The following THSD4 variants were observed in gnomAD, a reference collection of about 807,000 sequenced individuals.
THSD4 encodes thrombospondin type 1 domain containing 4, also known as thrombospondin type-1 domain-containing protein 4.
A neutral mutation model predicts 119.0 loss-of-function variants in THSD4; 69 were observed. The ratio of observed to expected loss-of-function variants is 0.58; its 90% CI spans 0.48 to 0.71. The LOEUF is 0.71. THSD4 is among the 30% of genes least tolerant of loss of function. The pLI is 0.00. For synonymous variants in THSD4, 524 were observed against 540.4 expected, an observed-to-expected ratio of 0.97 and a Z score of 0.42; for missense variants, 1,393 against 1,391.1, an observed-to-expected ratio of 1.00 and a Z score of -0.02.
At chr15:71,578,077 C>G (rs1055186806) in intron 7 of THSD4, among the ~76,000 whole-genome samples, 1 of 151,620 alleles carries the variant, frequency 6.6e-6, no homozygotes, top group Non-Finnish European at 1.5e-5. Context: ...GTGAGCCCTT[C>G]TCACTGGATT....
intron 6 of THSD4, among the ~76,000 whole-genome samples, chr15:71,317,538 C>T (rs1399152182): frequency 6.6e-6 from 1 of 152,204 alleles, no homozygotes; most frequent in Non-Finnish European, 1.5e-5. Flanking sequence ...GGGAAAAACA[C>T]ACCCCCATGA....
Position 71,590,539 on chromosome 15 carries a change from C to G in THSD4, c.1153-69991C>G, listed in dbSNP as rs1259066499. ...CACATGGACACATGGTGGGGAACAA[C>G]TGGGGCCTGTCAGAACGGGTGGGTG... On this transcript the variant is annotated intron_variant, in intron 7 of 17. Transcript: ENST00000261862. Among the ~76,000 whole-genome samples the G allele has an allele frequency of 3.2e-4, 27 of 84,168 alleles. 2 individuals are homozygous for G. Among genetic ancestry groups the G allele is most frequent in the Non-Finnish European group, 9.3e-5 (4 of 42,826 alleles). 55.2% of individuals were successfully genotyped at this position (84,168 alleles called of 152,430 possible). A position where few individuals can be genotyped will look rare whatever the true frequency, so the allele number is the denominator to read the frequency against.
At chr15:71,288,935 G>C (rs28581948) in intron 6 of THSD4, among the ~76,000 whole-genome samples, 19,119 of 152,182 alleles carry the variant, frequency 0.13, 1,265 homozygotes, top group African/African-American at 0.17. Flanking sequence ...CAAATCCCCA[G>C]CTGGAAGAGG....
At chr15:71,596,200 C>A (rs530670425) in intron 7 of THSD4, among the ~76,000 whole-genome samples, 2 of 152,076 alleles carry the variant, frequency 1.3e-5, no homozygotes. Flanking sequence ...AATGTTGGGG[C>A]GACTTCTATT....
intron 7 of THSD4, among the ~76,000 whole-genome samples, chr15:71,550,515 C>A (rs1040597772): frequency 1.3e-5 from 2 of 152,194 alleles, no homozygotes; most frequent in Non-Finnish European, 2.9e-5. Flanking sequence ...CGGCTCACTG[C>A]AAGCTCCGCC....
chr15:71,199,859 TGTGGG>T, intron 3 of THSD4, among the ~76,000 whole-genome samples: 2 of 149,594 alleles, frequency 1.3e-5, no homozygotes, highest in Non-Finnish European at 3.0e-5. Flanking sequence ...GTGATGCATG[TGTGGG>T]GTGTGTGTGT....
chr15:71,404,211 A>G (rs932271872), intron 6 of THSD4, among the ~76,000 whole-genome samples: 2 of 152,174 alleles, frequency 1.3e-5, no homozygotes, highest in Non-Finnish European at 2.9e-5. Flanking sequence ...TTATCCTAAG[A>G]AGGAAGCTGA....
intron 1 of THSD4, among the ~76,000 whole-genome samples, chr15:71,102,146 T>C (rs919802213): frequency 1.3e-5 from 2 of 152,252 alleles, no homozygotes; most frequent in South Asian, 2.1e-4. Flanking sequence ...CTTTGATTGC[T>C]TTCAGGATAT....
At chr15:71,605,880 G>T (rs1357009247) in intron 7 of THSD4, among the ~76,000 whole-genome samples, 1 of 152,172 alleles carries the variant, frequency 6.6e-6, no homozygotes, top group African/African-American at 2.4e-5. Flanking sequence ...TCCGATGCTT[G>T]AAGTCTGAGA....
intron 7 of THSD4, among the ~76,000 whole-genome samples, chr15:71,431,489 A>G (rs528300232): frequency 2.6e-5 from 4 of 152,350 alleles, no homozygotes; most frequent in East Asian, 1.9e-4. Flanking sequence ...AACAAGACTT[A>G]AAATGGCCAT....
At chr15:71,578,966 C>T (rs1185550434) in intron 7 of THSD4, among the ~76,000 whole-genome samples, 2 of 151,324 alleles carry the variant, frequency 1.3e-5, no homozygotes, top group Non-Finnish European at 2.9e-5. Context: ...GCCTCAGCCT[C>T]CCGAGTAGCT....
chr15:71,341,074 CCTTTT>C (rs938939407), intron 6 of THSD4: 6 of 989,656 alleles, frequency 6.1e-6, no homozygotes, highest in Admixed American at 4.4e-5. Context: ...TGTTGCCTTG[CCTTTT>C]CTTTTCTATT....
chr15:71,707,939 A>G (rs12591953), intron 8 of THSD4, among the ~76,000 whole-genome samples: 70,224 of 152,102 alleles, frequency 0.46, 19,368 homozygotes, highest in Middle Eastern at 0.64. Flanking sequence ...GCAAGAGTAT[A>G]TTCTTGGAGC....
At chr15:71,348,916 TC>T (rs1654960497) in intron 6 of THSD4, among the ~76,000 whole-genome samples, 1 of 152,222 alleles carries the variant, frequency 6.6e-6, no homozygotes, top group Non-Finnish European at 1.5e-5. Flanking sequence ...ATATGCAGGT[TC>T]TTGCATTTTT....
intron 8 of THSD4, among the ~76,000 whole-genome samples, chr15:71,683,800 C>A (rs1355880783): frequency 6.6e-6 from 1 of 152,084 alleles, no homozygotes; most frequent in Non-Finnish European, 1.5e-5. Flanking sequence ...CAGGTGAAAC[C>A]CCATCTGTAC....
chr15:71,346,564 G>A (rs937647076), intron 6 of THSD4, among the ~76,000 whole-genome samples: 10 of 152,102 alleles, frequency 6.6e-5, no homozygotes, highest in South Asian at 2.1e-4. Flanking sequence ...GGTATGACAC[G>A]ATGTTTCAAG....
At chr15:71,164,021 C>A (rs900940797) in intron 3 of THSD4, among the ~76,000 whole-genome samples, 2 of 152,018 alleles carry the variant, frequency 1.3e-5, no homozygotes, top group African/African-American at 4.8e-5. Context: ...TTCTAGTAAT[C>A]CCATGCTTTG....
chr15:71,421,336 T>TCA, intron 7 of THSD4, among the ~76,000 whole-genome samples: 1 of 45,390 alleles, frequency 2.2e-5, no homozygotes. Flanking sequence ...CCTTTAGTAT[T>TCA]TCTTGTAGGA....
intron 3 of THSD4, among the ~76,000 whole-genome samples, chr15:71,202,124 C>A (rs1297468777): frequency 2.0e-5 from 3 of 152,100 alleles, no homozygotes; most frequent in Admixed American, 2.0e-4. Flanking sequence ...GAGACCACAC[C>A]TAAGCCATCC....
Sources: gnomAD v4.1 joint callset for allele counts (sites outside exome capture counted in the v4.1 genomes callset) on GRCh38, gnomAD v4.1.1 for gene constraint, MANE v1.5 for transcripts, NCBI Gene and HGNC (gene_info 2026-07-23, HGNC 2026-07-21) for gene names.